The following CASR variants were observed in gnomAD, a reference collection of about 807,000 sequenced individuals.
The protein encoded by CASR is extracellular calcium-sensing receptor.
A neutral mutation model predicts 69.1 loss-of-function variants in CASR; 23 were observed. The observed-to-expected ratio is 0.33, with a 90% CI of 0.24 to 0.47. The LOEUF is 0.47. Ranked by LOEUF, CASR falls within the 20% of genes least tolerant of loss-of-function variation. The pLI is 1.00. For synonymous variants in CASR, 541 were observed against 544.7 expected (o/e 0.99, Z 0.10); for missense variants, 924 against 1,356.1 (o/e 0.68, Z 5.00).
intron 1 of CASR, among the ~76,000 whole-genome samples, chr3:122,214,411 C>A (rs1309885011): frequency 6.6e-6 from 1 of 152,094 alleles, no homozygotes; most frequent in African/African-American, 2.4e-5. Flanking sequence ...CAGTCCAGAA[C>A]CATTGAACTA....
chr3:122,282,282 G>C, intron 6 of CASR, 46 bp downstream of exon 6: 1 of 1,597,066 alleles, frequency 6.3e-7, no homozygotes, highest in South Asian at 1.1e-5. Flanking sequence ...GGTCCACTTC[G>C]GAGGCCTGGG....
At chr3:122,246,401 G>A (rs960390799) in intron 1 of CASR, 2 of 152,302 alleles carry the variant, frequency 1.3e-5, no homozygotes, top group South Asian at 2.1e-4. Flanking sequence ...TAATGCACAC[G>A]TAATGTTAGA....
rs1293916295 is a variant in CASR, at chr3:122,287,140, G to C, written c.*1949G>C. The C allele has an allele frequency of 6.6e-6, 1 of 152,202 alleles. No homozygotes were observed. Among genetic ancestry groups the C allele is most frequent in the Non-Finnish European group, 1.5e-5 (1 of 68,038 alleles). 9.4% of individuals were successfully genotyped at this position (152,202 alleles called of 1,614,324 possible). A position where few individuals can be genotyped will look rare whatever the true frequency, so the allele number is the denominator to read the frequency against. ...TTTAACATTTTACTTGGTCTTAAAAGAAATGCTGAAAATGTGATGGTTTCA... is the reference window on the plus strand; with the variant it reads ...TTTAACATTTTACTTGGTCTTAAAACAAATGCTGAAAATGTGATGGTTTCA... On this transcript the variant is annotated 3_prime_UTR_variant, in exon 7 of 7. Coordinates refer to ENST00000639785, the MANE Select transcript of CASR (RefSeq NM_000388.4).
At chr3:122,258,596 C>T (rs1368272590) in intron 3 of CASR, among the ~76,000 whole-genome samples, 1 of 151,980 alleles carries the variant, frequency 6.6e-6, no homozygotes, top group Non-Finnish European at 1.5e-5. Context: ...ACCCCATGGC[C>T]AACAGGCTAA....
At chr3:122,242,599 C>T (rs922741773) in intron 1 of CASR, among the ~76,000 whole-genome samples, 1 of 152,032 alleles carries the variant, frequency 6.6e-6, no homozygotes, top group Admixed American at 6.6e-5. Flanking sequence ...GTTCATACTG[C>T]CCAAAGCAAT....
rs2074817714 is a variant in CASR at position 122,276,148 on chromosome 3, G to C, written c.1608+106G>C. On this transcript the variant is annotated intron_variant, in intron 5 of 6. Transcript: ENST00000639785. ...CCCCACTGGACTTCCAAAATAAAGA[G>C]TCCACTTCCCTGAACTCTCTGGCCT... The C allele has an allele frequency of 1.8e-5, 14 of 762,534 alleles. No homozygotes were observed. The South Asian group carries it at 2.0e-4, about 11-fold the overall frequency. 47.2% of individuals were successfully genotyped at this position (762,534 alleles called of 1,614,324 possible). A position where few individuals can be genotyped will look rare whatever the true frequency, so the allele number is the denominator to read the frequency against.
chr3:122,252,417 G>GAAAGAA (rs2074502118), intron 1 of CASR, among the ~76,000 whole-genome samples: 1 of 28,680 alleles, frequency 3.5e-5, no homozygotes, highest in Non-Finnish European at 7.7e-5. Flanking sequence ...GAAAAAGAAA[G>GAAAGAA]AAAGAAAGAA....
At chr3:122,269,022 A>C (rs2074724799) in intron 4 of CASR, among the ~76,000 whole-genome samples, 1 of 152,240 alleles carries the variant, frequency 6.6e-6, no homozygotes, top group South Asian at 2.1e-4. Flanking sequence ...ATTTTAAATT[A>C]TTCTTGTATT....
intron 1 of CASR, among the ~76,000 whole-genome samples, chr3:122,242,901 G>T (rs765585101): frequency 2.0e-5 from 3 of 152,054 alleles, no homozygotes; most frequent in Non-Finnish European, 4.4e-5. Flanking sequence ...TTTGACAAAG[G>T]TGCCAAGAAC....
chr3:122,283,184 G>A (rs1380444783), intron 6 of CASR, among the ~76,000 whole-genome samples: 2 of 152,216 alleles, frequency 1.3e-5, no homozygotes, highest in African/African-American at 4.8e-5. Flanking sequence ...CTCTCCATGT[G>A]AGATGTCAGA....
Position 122,284,956 on chromosome 3 carries a change from A to C in CASR, c.3002A>C (p.Gln1001Pro), listed in dbSNP as rs1176923284. The C allele has an allele frequency of 1.5e-5, 25 of 1,614,238 alleles. No homozygotes were observed. The East Asian group carries it at 5.6e-4, about 36-fold the overall frequency. The change falls in exon 7 of 7, where the codon CAG becomes CCG. Residue 1001 changes from glutamine (Q) to proline (P), a missense_variant. Gln to Pro is a moderately conservative substitution (Grantham distance 76). Transcript: ENST00000639785. ...ACGCACCAGAACTCCCTGGAGGCCC[A>C]GAAAAGCAGCGATACGCTGACCCGA... ...NSTHQNSLEA[Q>P]KSSDTLTRHE...
chr3:122,261,177 A>G (rs1299692873), intron 3 of CASR, among the ~76,000 whole-genome samples: 2 of 152,248 alleles, frequency 1.3e-5, no homozygotes, highest in African/African-American at 2.4e-5. Context: ...AGGAGGTTAG[A>G]GAAGACATGA....
intron 1 of CASR, among the ~76,000 whole-genome samples, chr3:122,212,497 C>T (rs2074078404): frequency 6.6e-6 from 1 of 152,122 alleles, no homozygotes; most frequent in Non-Finnish European, 1.5e-5. Context: ...CAGCAAACCA[C>T]CACGGCACAT....
chr3:122,251,847 A>G (rs1005402071), intron 1 of CASR, among the ~76,000 whole-genome samples: 8 of 152,260 alleles, frequency 5.3e-5, no homozygotes, highest in Non-Finnish European at 1.0e-4. Flanking sequence ...TCATATTAGA[A>G]AGTAGTGGAA....
At position 122,257,309 on chromosome 3, in the gene CASR, G is replaced by A. The variant is rs984531247; in HGVS notation, c.414G>A (p.Thr138=). Reference sequence around the variant, plus strand: ...ACTGCTCAGAGCACATTCCCTCTACGATTGCTGTGGTGGGAGCAACTGGCT... The same window carrying A: ...ACTGCTCAGAGCACATTCCCTCTACAATTGCTGTGGTGGGAGCAACTGGCT... ...FCNCSEHIPS[T]IAVVGATGSG... is the part of the protein sequence containing the mutation. The change falls in exon 3 of 7, where the codon ACG becomes ACA. Residue 138 remains threonine (T), a synonymous_variant. Coordinates refer to ENST00000639785, the MANE Select transcript of CASR (RefSeq NM_000388.4). 14 of 1,613,962 alleles carry A rather than the reference G, an allele frequency of 8.7e-6. No individual in the cohort carries two copies. The highest frequency in any genetic ancestry group is 2.2e-5 in the South Asian group (2 of 91,078).
At chr3:122,257,532 A>G in intron 3 of CASR, 145 bp downstream of exon 3, 2 of 615,782 alleles carry the variant, frequency 3.2e-6, no homozygotes, top group Admixed American at 3.0e-5. Context: ...CTGTATCATG[A>G]CCATTTGGGA....
chr3:122,260,405 A>T (rs2074606346), intron 3 of CASR, among the ~76,000 whole-genome samples: 1 of 152,198 alleles, frequency 6.6e-6, no homozygotes, highest in East Asian at 1.9e-4. Flanking sequence ...TGTCTTAGAG[A>T]GTGCAAACAT....
At chr3:122,223,184 C>T (rs188272144) in intron 1 of CASR, among the ~76,000 whole-genome samples, 229 of 151,794 alleles carry the variant, frequency 1.5e-3, no homozygotes, top group African/African-American at 5.3e-3. Flanking sequence ...GGAAACCAAC[C>T]CCAAAGCTAG....
chr3:122,284,971 C>T lies in CASR; in HGVS notation c.3017C>T (p.Thr1006Met), dbSNP rs779634167. The T allele has an allele frequency of 6.2e-7, 1 of 1,614,206 alleles. No homozygotes were observed. The highest frequency in any genetic ancestry group is 8.5e-7 in the Non-Finnish European group (1 of 1,180,022). Reference sequence around the variant, plus strand: ...CTGGAGGCCCAGAAAAGCAGCGATACGCTGACCCGACACGAGCCATTACTC... The same window carrying T: ...CTGGAGGCCCAGAAAAGCAGCGATATGCTGACCCGACACGAGCCATTACTC... ...NSLEAQKSSDTLTRHEPLLPL... is the reference protein window; with the variant it reads ...NSLEAQKSSDMLTRHEPLLPL... Residue 1006 changes from threonine to methionine, a missense_variant, in exon 7 of 7, where the codon ACG becomes ATG. Around this residue, in one of 8 missense-constraint regions of CASR, gnomAD observed 201 missense variants for 228.8 expected, o/e 0.88. Transcript: ENST00000639785.
Sources: gnomAD v4.1 joint callset for allele counts (sites outside exome capture counted in the v4.1 genomes callset) on GRCh38, gnomAD v4.1.1 for gene constraint, gnomAD v4.1.1 regional missense constraint, MANE v1.5 for transcripts, NCBI Gene and HGNC (gene_info 2026-07-23, HGNC 2026-07-21) for gene names.